PAQR8: variants seen among roughly 807,000 people sequenced by gnomAD.
The protein encoded by PAQR8 is membrane progestin receptor beta.
PAQR8 carries 17 observed loss-of-function variants against 25.2 expected under a neutral mutation model. The ratio of observed to expected loss-of-function variants is 0.67; its 90% CI spans 0.46 to 1.01. The LOEUF (loss-of-function observed/expected upper bound fraction) is 1.01, where lower values mean the gene tolerates loss of function less well. Ranked by LOEUF, PAQR8 falls within the 50% of genes least tolerant of loss-of-function variation. PAQR8 has a pLI of 0.00. For missense variants in PAQR8, 392 were observed against 448.4 expected, an observed-to-expected ratio of 0.87 and a Z score of 1.14; for synonymous variants, 204 against 190.6, an observed-to-expected ratio of 1.07 and a Z score of -0.58.
chr6:52,398,090 A>G (rs1024842286), intron 1 of PAQR8, among the ~76,000 whole-genome samples: 8 of 152,180 alleles, frequency 5.3e-5, no homozygotes, highest in Non-Finnish European at 1.0e-4. Context: ...GCTGCTCTCA[A>G]AGGGAGAATT....
intron 1 of PAQR8, among the ~76,000 whole-genome samples, chr6:52,376,273 G>A (rs1029579965): frequency 2.5e-4 from 38 of 152,302 alleles, no homozygotes; most frequent in Admixed American, 2.0e-3. Flanking sequence ...CAAAATCATT[G>A]TGAGCTGGTA....
At chr6:52,390,726 C>G (rs140113386) in intron 1 of PAQR8, among the ~76,000 whole-genome samples, 1,588 of 152,216 alleles carry the variant, frequency 0.01, 19 homozygotes, top group Non-Finnish European at 0.016. Context: ...TCCCTTTAAA[C>G]CCCCCATGAC....
At chr6:52,393,975 A>G (rs1456573720) in intron 1 of PAQR8, among the ~76,000 whole-genome samples, 3 of 152,168 alleles carry the variant, frequency 2.0e-5, no homozygotes, top group Non-Finnish European at 4.4e-5. Context: ...TCCTGAGAGG[A>G]TGGCAGAATA....
At chr6:52,368,255 G>A (rs185543366) in intron 1 of PAQR8, among the ~76,000 whole-genome samples, 3 of 152,278 alleles carry the variant, frequency 2.0e-5, no homozygotes, top group Non-Finnish European at 4.4e-5. Flanking sequence ...ATGTAAATAA[G>A]TAACAGTGTT....
chr6:52,376,771 TAA>T (rs1763489870), intron 1 of PAQR8, among the ~76,000 whole-genome samples: 1 of 152,196 alleles, frequency 6.6e-6, no homozygotes, highest in Non-Finnish European at 1.5e-5. Flanking sequence ...GGATGTCATA[TAA>T]AAAGAGGCCC....
At chr6:52,364,091 T>TTTG (rs1352638487) in intron 1 of PAQR8, among the ~76,000 whole-genome samples, 2 of 144,218 alleles carry the variant, frequency 1.4e-5, no homozygotes, top group South Asian at 2.3e-4. Context: ...ATGTTTTTTT[T>TTTG]TTTTTTTTTT....
chr6:52,377,946 C>T (rs555888021), intron 1 of PAQR8, among the ~76,000 whole-genome samples: 21 of 152,214 alleles, frequency 1.4e-4, no homozygotes, highest in African/African-American at 4.8e-4. Context: ...TTCCAATAAA[C>T]GAGGTTGAAA....
At chr6:52,364,108 GTGTGTGTAT>G (rs1763325592) in intron 1 of PAQR8, among the ~76,000 whole-genome samples, 1 of 40,402 alleles carries the variant, frequency 2.5e-5, no homozygotes, top group Non-Finnish European at 5.3e-5. Flanking sequence ...TTTTTTGCGG[GTGTGTGTAT>G]GCACCAGATT....
At chr6:52,387,681 C>T (rs984613713) in intron 1 of PAQR8, among the ~76,000 whole-genome samples, 25 of 152,134 alleles carry the variant, frequency 1.6e-4, no homozygotes, top group Admixed American at 3.3e-4. Context: ...GGGGTGGGGC[C>T]GTTAGGAGGT....
Position 52,366,168 on chromosome 6 carries a change from A to C in PAQR8, c.-53+3919A>C, listed in dbSNP as rs1455088432. ...TTTTCAAGTTTATAAATTTTATTTT[A>C]TATATATATGTACATATATTAGAAA... is the stretch of plus-strand genomic sequence containing the variant. On this transcript the variant is annotated intron_variant, in intron 1 of 1. Transcript: ENST00000442253. Among the ~76,000 whole-genome samples, 3 of 151,958 alleles carry C rather than the reference A, an allele frequency of 2.0e-5. No homozygotes were observed. The East Asian group carries it at 5.8e-4, about 29-fold the overall frequency.
At chr6:52,400,377 CT>C (rs1763815832) in intron 1 of PAQR8, among the ~76,000 whole-genome samples, 1 of 152,204 alleles carries the variant, frequency 6.6e-6, no homozygotes, top group African/African-American at 2.4e-5. Flanking sequence ...TTGTTAAACA[CT>C]TTACAGCCAT....
At chr6:52,393,330 T>C (rs1428457065) in intron 1 of PAQR8, among the ~76,000 whole-genome samples, 3 of 121,928 alleles carry the variant, frequency 2.5e-5, no homozygotes, top group African/African-American at 9.2e-5. Context: ...ACACTTTCTC[T>C]CTCTTTTTTT....
rs1763910491 is a variant in PAQR8, at chr6:52,406,418, A to G, written c.*2140A>G. ...TAAAAGAGAGAACCGGAGGTAGAGC[A>G]ATGATCAGATGGGTGCACAGACCAG... is the stretch of plus-strand genomic sequence containing the variant. On this transcript the variant is annotated 3_prime_UTR_variant, in exon 2 of 2. Coordinates refer to ENST00000442253, the MANE Select transcript of PAQR8 (RefSeq NM_133367.5). 4.8e-6 allele frequency: 2 copies of G among 413,264 alleles called. No homozygotes were observed. Among genetic ancestry groups the G allele is most frequent in the South Asian group, 1.3e-4 (1 of 7,856 alleles). 25.6% of individuals were successfully genotyped at this position (413,264 alleles called of 1,614,324 possible).
chr6:52,374,191 C>T (rs1763454853), intron 1 of PAQR8, among the ~76,000 whole-genome samples: 1 of 152,204 alleles, frequency 6.6e-6, no homozygotes, highest in Admixed American at 6.5e-5. Flanking sequence ...CCAATTAAAC[C>T]TCTTTGCTTT....
intron 1 of PAQR8, among the ~76,000 whole-genome samples, chr6:52,374,475 G>A (rs1763458854): frequency 6.6e-6 from 1 of 152,100 alleles, no homozygotes; most frequent in Admixed American, 6.6e-5. Context: ...GTACAGTGGT[G>A]TAATCATAGC....
At chr6:52,393,497 G>A (rs1011155514) in intron 1 of PAQR8, among the ~76,000 whole-genome samples, 11 of 151,968 alleles carry the variant, frequency 7.2e-5, no homozygotes, top group African/African-American at 2.7e-4. Flanking sequence ...CACCATGCCT[G>A]GCTAATTTTT....
intron 1 of PAQR8, among the ~76,000 whole-genome samples, chr6:52,381,671 T>C (rs984550974): frequency 3.3e-5 from 5 of 152,248 alleles, no homozygotes; most frequent in African/African-American, 1.2e-4. Flanking sequence ...AACATTCTTA[T>C]CCACCCAATG....
chr6:52,403,607 C>G lies in PAQR8; in HGVS notation c.394C>G (p.Leu132Val). ...YLTCSLLAHL[L>V]QSKSELSHYT... ...CACCTGCAGCCTTCTGGCCCACCTG[C>G]TGCAGTCCAAGTCAGAGCTCTCCCA... Residue 132 changes from leucine to valine, a missense_variant, in exon 2 of 2, where the codon CTG (leucine) becomes GTG (valine). Transcript: ENST00000442253. 6.2e-7 allele frequency: 1 copy of G among 1,614,154 alleles called. No individual in the cohort carries two copies. Among genetic ancestry groups the G allele is most frequent in the Non-Finnish European group, 8.5e-7 (1 of 1,180,034 alleles).
intron 1 of PAQR8, among the ~76,000 whole-genome samples, chr6:52,401,045 C>T (rs927947423): frequency 2.6e-5 from 4 of 152,162 alleles, no homozygotes; most frequent in African/African-American, 7.2e-5. Flanking sequence ...TATGAAGAAA[C>T]TGAGGCTGAG....
Sources: gnomAD v4.1 joint callset for allele counts (sites outside exome capture counted in the v4.1 genomes callset) on GRCh38, gnomAD v4.1.1 for gene constraint, MANE v1.5 for transcripts, NCBI Gene and HGNC (gene_info 2026-07-23, HGNC 2026-07-21) for gene names.